The following DGKK variants were observed in gnomAD, a reference collection of about 807,000 sequenced individuals.
DGKK encodes the protein diacylglycerol kinase kappa.
Under a neutral mutation model 92.2 loss-of-function variants are expected in DGKK, and 35 were observed. The ratio of observed to expected loss-of-function variants is 0.38; its 90% confidence interval spans 0.29 to 0.50. DGKK has a LOEUF of 0.50. Among genes scored for constraint, DGKK ranks in the 20% least tolerant of loss-of-function variants. DGKK has a pLI of 0.92. For missense variants in DGKK, 910 were observed against 992.2 expected (o/e 0.92, Z 1.11); for synonymous variants, 368 against 360.6 (o/e 1.02, Z -0.23).
chrX:50,378,226 C>T lies in DGKK; in HGVS notation c.2983G>A (p.Glu995Lys), dbSNP rs781899207. Residue 995 changes from glutamate to lysine, a missense_variant, in exon 22 of 28, where the codon GAG (glutamate) becomes AAG (lysine). Physicochemically the swap from Glu to Lys is moderately conservative, Grantham distance 56. Transcript: ENST00000611977. ...TCACCATCAATGGTTATCATCACCT[C>T]ATGGCACTGCCAGAGAAAATGAGGA... ...LHHHRIAQCH[E>K]VMITIDGEEG... is the part of the protein sequence containing the mutation. 1.7e-6 allele frequency: 2 copies of T among 1,208,441 alleles called. No individual in the cohort carries two copies. The highest frequency in any genetic ancestry group is 3.6e-5 in the South Asian group (2 of 56,164).
chrX:50,426,308 T>G (rs1477182614), intron 1 of DGKK, among the ~76,000 whole-genome samples: 2 of 111,819 alleles, frequency 1.8e-5, no homozygotes, highest in Non-Finnish European at 3.8e-5. Flanking sequence ...TGGCCTGTTC[T>G]GAGAAGCACT....
At chrX:50,396,865 T>G (rs782515770) in intron 8 of DGKK, among the ~76,000 whole-genome samples, 1 of 112,319 alleles carries the variant, frequency 8.9e-6, no homozygotes, top group East Asian at 2.8e-4. Flanking sequence ...ATGTTAATCA[T>G]AAGGGAGTGC....
rs782289844 is a variant in DGKK at position 50,404,232 on chromosome X, C to T, written c.943-48G>A. 6.9e-6 allele frequency: 8 copies of T among 1,161,347 alleles called. No individual in the cohort carries two copies. In the African/African-American group the frequency reaches 7.2e-5, roughly 10 times the overall value. On this transcript the variant is annotated intron_variant, in intron 4 of 27. Transcript: ENST00000611977. Reference sequence around the variant, plus strand: ...GAGAATGGAGGATGAATCACAGAGACGGATTAAAGAGGGCCTGAAAATCTG... The same window carrying T: ...GAGAATGGAGGATGAATCACAGAGATGGATTAAAGAGGGCCTGAAAATCTG...
intron 1 of DGKK, among the ~76,000 whole-genome samples, chrX:50,425,091 G>T (rs1925699287): frequency 9.0e-6 from 1 of 111,548 alleles, no homozygotes; most frequent in Non-Finnish European, 1.9e-5. Context: ...AAACCAACAT[G>T]CAAGACTGCC....
At chrX:50,439,161 A>T (rs1926107790) in intron 1 of DGKK, among the ~76,000 whole-genome samples, 1 of 111,842 alleles carries the variant, frequency 8.9e-6, no homozygotes, top group Admixed American at 9.5e-5. Context: ...TCCTGGATTC[A>T]TTTTTCTATC....
At chrX:50,405,197 T>C (rs1451800708) in intron 4 of DGKK, among the ~76,000 whole-genome samples, 1 of 112,115 alleles carries the variant, frequency 8.9e-6, no homozygotes, top group Non-Finnish European at 1.9e-5. Context: ...ACATTTTTTG[T>C]TAATGTGCCT....
chrX:50,370,731 C>G (rs1924102296), intron 26 of DGKK, among the ~76,000 whole-genome samples, 182 bp from the exon 27 acceptor site: 1 of 111,944 alleles, frequency 8.9e-6, no homozygotes, highest in South Asian at 3.8e-4. Flanking sequence ...TTGATCCTTA[C>G]CAAGAGGCTA....
intron 1 of DGKK, among the ~76,000 whole-genome samples, chrX:50,464,298 T>C (rs1394263236): frequency 4.5e-5 from 5 of 109,897 alleles, no homozygotes; most frequent in African/African-American, 1.6e-4. Flanking sequence ...TTTTAAATCT[T>C]AAAAAAAATT....
At position 50,470,270 on chromosome X, in the gene DGKK, GCTCTGGGACCGA is replaced by G. The variant is rs1927028513; in HGVS notation, c.397_408del (p.Ser133_Glu136del). On this transcript the variant is annotated inframe_deletion, in exon 1 of 28. Coordinates refer to ENST00000611977, the MANE Select transcript of DGKK (RefSeq NM_001013742.4). ...ACTTCTGGAGTCAGCTCTGGGGCCG[GCTCTGGGACCGA>G]CTCTAGGGCAGGTTCTGGAGTCGGC... The G allele has an allele frequency of 6.6e-6, 8 of 1,208,643 alleles. No individual in the cohort carries two copies. Among genetic ancestry groups the G allele is most frequent in the Non-Finnish European group, 8.9e-6 (8 of 893,954 alleles).
chrX:50,429,275 G>A (rs905626258), intron 1 of DGKK, among the ~76,000 whole-genome samples: 1 of 111,730 alleles, frequency 9.0e-6, no homozygotes, highest in Admixed American at 9.5e-5. Context: ...TCCTCTCCCC[G>A]TGATGAGAAA....
chrX:50,453,285 A>T (rs902913424), intron 1 of DGKK, among the ~76,000 whole-genome samples: 1 of 111,520 alleles, frequency 9.0e-6, no homozygotes, highest in Non-Finnish European at 1.9e-5. Flanking sequence ...TCTGATCTTC[A>T]GTTAAGTTTC....
At chrX:50,394,553 C>T (rs1358365289) in intron 8 of DGKK, among the ~76,000 whole-genome samples, 1 of 111,748 alleles carries the variant, frequency 8.9e-6, no homozygotes, top group Non-Finnish European at 1.9e-5. Context: ...AAAAGTAGTA[C>T]CCCTTCCAAC....
chrX:50,469,993 G>A (rs1557234332), intron 1 of DGKK, 41 bp downstream of exon 1: 2 of 1,157,776 alleles, frequency 1.7e-6, no homozygotes, highest in East Asian at 6.0e-5. Flanking sequence ...ATCTGACTTC[G>A]CCTTGCTTCT....
intron 7 of DGKK, among the ~76,000 whole-genome samples, chrX:50,402,357 G>T (rs1925030758): frequency 8.9e-6 from 1 of 112,183 alleles, no homozygotes; most frequent in Non-Finnish European, 1.9e-5. Context: ...GTTTGAGGCT[G>T]CAGTGAGCTG....
chrX:50,417,745 G>A (rs1557228707), intron 4 of DGKK, among the ~76,000 whole-genome samples: 1 of 110,195 alleles, frequency 9.1e-6, no homozygotes, highest in Admixed American at 9.7e-5. Context: ...TGAACTTCTG[G>A]CCTCTAGTTT....
Position 50,382,612 on chromosome X carries a change from A to G in DGKK, c.2550-9T>C. Reference sequence around the variant, plus strand: ...ATTTTTCTTTGAAGCGTCTGAAATTATTCAAAGAAGAGGACAGACATTGGT... The same window carrying G: ...ATTTTTCTTTGAAGCGTCTGAAATTGTTCAAAGAAGAGGACAGACATTGGT... On this transcript the variant is annotated splice_polypyrimidine_tract_variant and intron_variant, in intron 17 of 27. Coordinates refer to ENST00000611977, the MANE Select transcript of DGKK (RefSeq NM_001013742.4). The G allele has an allele frequency of 8.5e-7, 1 of 1,175,899 alleles. No homozygotes were observed. The highest frequency in any genetic ancestry group is 1.2e-6 in the Non-Finnish European group (1 of 866,329).
At chrX:50,413,929 T>C (rs1297941509) in intron 4 of DGKK, among the ~76,000 whole-genome samples, 9 of 112,046 alleles carry the variant, frequency 8.0e-5, no homozygotes, top group African/African-American at 2.6e-4. Context: ...GCAGCATTAT[T>C]CACAATAGTC....
At chrX:50,442,875 G>T (rs1926202058) in intron 1 of DGKK, among the ~76,000 whole-genome samples, 1 of 109,997 alleles carries the variant, frequency 9.1e-6, no homozygotes, top group Admixed American at 9.8e-5. Flanking sequence ...ATTCCTTATG[G>T]TTACAAGATT....
chrX:50,441,412 G>A (rs1393870541), intron 1 of DGKK, among the ~76,000 whole-genome samples: 1 of 111,365 alleles, frequency 9.0e-6, no homozygotes, highest in Non-Finnish European at 1.9e-5. Flanking sequence ...CGAATATTTG[G>A]ATGAGAGAAG....
Sources: gnomAD v4.1 joint callset for allele counts (sites outside exome capture counted in the v4.1 genomes callset) on GRCh38, gnomAD v4.1.1 for gene constraint, MANE v1.5 for transcripts, NCBI Gene and HGNC (gene_info 2026-07-23, HGNC 2026-07-21) for gene names.